COL5A2: variants seen among roughly 807,000 people sequenced by gnomAD.
The protein encoded by COL5A2 is collagen type V alpha 2 chain.
A neutral mutation model predicts 208.2 loss-of-function variants in COL5A2; 23 were observed. That is an observed-to-expected ratio of 0.11 (90% confidence interval 0.08 to 0.16). The LOEUF (loss-of-function observed/expected upper bound fraction) is 0.16, where lower values mean the gene tolerates loss of function less well. Ranked by LOEUF, COL5A2 falls within the 10% of genes least tolerant of loss-of-function variation. The probability of loss-of-function intolerance (pLI) is 1.00; values close to 1 mark genes in which losing one functional copy is unlikely to be tolerated. For synonymous variants in COL5A2, 625 were observed against 628.5 expected, an observed-to-expected ratio of 0.99 and a Z score of 0.08; for missense variants, 1,590 against 1,956.4, an observed-to-expected ratio of 0.81 and a Z score of 3.53.
chr2:189,212,941 T>A (rs2105869857), intron 1 of COL5A2, among the ~76,000 whole-genome samples: 1 of 151,738 alleles, frequency 6.6e-6, no homozygotes, highest in South Asian at 2.1e-4. Context: ...CAGGCTGGAG[T>A]GTGACAGCGC....
At chr2:189,336,079 A>T in the COL5A2 span, among the ~76,000 whole-genome samples, 5 of 152,204 alleles carry the variant, frequency 3.3e-5, no homozygotes, top group Non-Finnish European at 7.4e-5. Flanking sequence ...AAATGGGTAG[A>T]AGAATTGAAG....
intron 1 of COL5A2, among the ~76,000 whole-genome samples, chr2:189,139,598 GA>G (rs1029567882): frequency 1.3e-5 from 2 of 152,076 alleles, no homozygotes; most frequent in African/African-American, 4.8e-5. Context: ...CAAAAACTAA[GA>G]AAATCTAACT....
chr2:189,412,357 A>T, the COL5A2 span, among the ~76,000 whole-genome samples: 1 of 152,236 alleles, frequency 6.6e-6, no homozygotes, highest in Non-Finnish European at 1.5e-5. Flanking sequence ...TTTGTACATA[A>T]AGACCACTAA....
In COL5A2 at chr2:189,211,803, T is replaced by TA. The variant is rs780305585; in HGVS notation, c.-42+13344dup. Among the ~76,000 whole-genome samples, 10 of 152,194 alleles carry TA rather than the reference T, an allele frequency of 6.6e-5. No individual in the cohort carries two copies. The East Asian group carries it at 1.7e-3, about 26-fold the overall frequency. ...TTTGGCTCTAGCAGAAACCCTACAT[T>TA]AAAAGAGCAGCAAGAAAGTAAAACC... is the stretch of plus-strand genomic sequence containing the variant. On this transcript the variant is annotated intron_variant, in intron 1 of 10. Coordinates refer to the COL5A2 transcript ENST00000649966.
intron 1 of COL5A2, among the ~76,000 whole-genome samples, chr2:189,157,120 ATAT>A (rs1688262879): frequency 1.2e-4 from 2 of 17,178 alleles, no homozygotes; most frequent in East Asian, 6.7e-3. Context: ...ATATATCGAT[ATAT>A]CTATCTATAT....
At chr2:189,049,299 C>T (rs1420770661) in intron 44 of COL5A2, 48 bp downstream of exon 44, 2 of 1,325,322 alleles carry the variant, frequency 1.5e-6, no homozygotes, top group Non-Finnish European at 2.2e-6. Context: ...AAATTGTTTC[C>T]ATGACACCAG....
chr2:189,180,912 T>C (rs1404558953), upstream of COL5A2, among the ~76,000 whole-genome samples: 1 of 152,176 alleles, frequency 6.6e-6, no homozygotes, highest in African/African-American at 2.4e-5. Context: ...AGGATGGATG[T>C]TCTATACAAT....
At chr2:189,289,081 C>T in the COL5A2 span, among the ~76,000 whole-genome samples, 1 of 152,104 alleles carries the variant, frequency 6.6e-6, no homozygotes, top group Admixed American at 6.5e-5. Flanking sequence ...GTGGCTCACA[C>T]CTGTAATCCC....
the COL5A2 span, among the ~76,000 whole-genome samples, chr2:189,292,497 G>A: frequency 6.6e-6 from 1 of 152,088 alleles, no homozygotes; most frequent in African/African-American, 2.4e-5. Context: ...AAAAACACAT[G>A]AAAAAATGCT....
the COL5A2 span, among the ~76,000 whole-genome samples, chr2:189,398,265 T>A: frequency 6.6e-6 from 1 of 152,148 alleles, no homozygotes; most frequent in African/African-American, 2.4e-5. Context: ...CTGAGTGCAG[T>A]CTTCCATGTG....
At chr2:189,394,018 CA>C in the COL5A2 span, among the ~76,000 whole-genome samples, 4 of 152,238 alleles carry the variant, frequency 2.6e-5, no homozygotes, top group South Asian at 6.2e-4. Flanking sequence ...CTTTATTCAT[CA>C]GAAGCTAAAT....
rs191777085 is a variant in COL5A2 at position 189,084,664 on chromosome 2, G to A, written c.798+496C>T. On this transcript the variant is annotated intron_variant, in intron 11 of 53. Transcript: ENST00000374866. ...ATTGCACACTGTTCTCTGATTACATGTTCTTAATGTTAAAATCTGGAGTTG... is the reference window on the plus strand; with the variant it reads ...ATTGCACACTGTTCTCTGATTACATATTCTTAATGTTAAAATCTGGAGTTG... Among the ~76,000 whole-genome samples, 437 of 152,222 alleles carry A rather than the reference G, an allele frequency of 2.9e-3. 1 individual carries two copies. Among genetic ancestry groups the A allele is most frequent in the African/African-American group, 9.8e-3 (409 of 41,538 alleles).
the COL5A2 span, among the ~76,000 whole-genome samples, chr2:189,344,618 C>G: frequency 1.3e-5 from 2 of 152,198 alleles, no homozygotes; most frequent in Admixed American, 6.6e-5. Context: ...CTCTCTCCAT[C>G]GGTTGGGCTT....
chr2:189,072,765 C>CAAAAAAAAAAAAAA (rs58636533), intron 17 of COL5A2, among the ~76,000 whole-genome samples: 1 of 67,530 alleles, frequency 1.5e-5, no homozygotes, highest in Admixed American at 2.0e-4. Context: ...ACTCCATCTC[C>CAAAAAAAAAAAAAA]AAAAAAAAAA....
intron 1 of COL5A2, among the ~76,000 whole-genome samples, chr2:189,187,774 C>G (rs1251861889): frequency 2.0e-5 from 3 of 152,030 alleles, no homozygotes; most frequent in African/African-American, 7.2e-5. Context: ...TCGAGACCAT[C>G]CTGGCGAACA....
intron 1 of COL5A2, among the ~76,000 whole-genome samples, chr2:189,205,274 T>C (rs1301119677): frequency 6.6e-6 from 1 of 152,238 alleles, no homozygotes; most frequent in African/African-American, 2.4e-5. Context: ...GTTCACTCTA[T>C]ACCAGACACT....
the COL5A2 span, among the ~76,000 whole-genome samples, chr2:189,234,426 T>C: frequency 3.3e-5 from 5 of 151,840 alleles, no homozygotes; most frequent in Admixed American, 6.6e-5. Flanking sequence ...TTATTTTAGT[T>C]TTTCCATATA....
chr2:189,386,637 A>G, the COL5A2 span, among the ~76,000 whole-genome samples: 5 of 152,296 alleles, frequency 3.3e-5, no homozygotes, highest in South Asian at 1.0e-3. Flanking sequence ...CAAAAAACAA[A>G]TAACCCCATT....
At chr2:189,305,757 G>A in the COL5A2 span, among the ~76,000 whole-genome samples, 1 of 151,262 alleles carries the variant, frequency 6.6e-6, no homozygotes, top group Non-Finnish European at 1.5e-5. Flanking sequence ...CAGGCTAATT[G>A]GCGACAAGTT....
Sources: gnomAD v4.1 joint callset for allele counts (sites outside exome capture counted in the v4.1 genomes callset) on GRCh38, gnomAD v4.1.1 for gene constraint, MANE v1.5 for transcripts, NCBI Gene and HGNC (gene_info 2026-07-23, HGNC 2026-07-21) for gene names.